Variants in NFIB observed in about 807,000 individuals in gnomAD.
NFIB encodes the protein nuclear factor 1 B-type.
NFIB carries 11 observed loss-of-function variants against 61.5 expected under a neutral mutation model. That is an observed-to-expected ratio of 0.18 (90% confidence interval 0.11 to 0.30). The LOEUF (loss-of-function observed/expected upper bound fraction) is 0.30, where lower values mean the gene tolerates loss of function less well. Ranked by LOEUF, NFIB falls within the 10% of genes least tolerant of loss-of-function variation. The pLI, the probability that NFIB is intolerant of heterozygous loss-of-function variation, is 1.00. For missense variants in NFIB, 471 were observed against 608.9 expected, an observed-to-expected ratio of 0.77 and a Z score of 2.38; for synonymous variants, 260 against 216.5, an observed-to-expected ratio of 1.20 and a Z score of -1.76.
intron 1 of NFIB, among the ~76,000 whole-genome samples, chr9:14,343,861 T>C (rs536454253): frequency 2.0e-5 from 3 of 151,522 alleles, no homozygotes; most frequent in African/African-American, 4.8e-5. Flanking sequence ...AGAAACCTTA[T>C]AGAAAGAGAG....
At chr9:14,246,587 G>C (rs7846937) in intron 2 of NFIB, among the ~76,000 whole-genome samples, 2,441 of 152,198 alleles carry the variant, frequency 0.016, 67 homozygotes, top group African/African-American at 0.055. Flanking sequence ...CCATATGTTT[G>C]CCATATCATT....
At chr9:14,350,339 A>T (rs2061091968) in intron 1 of NFIB, among the ~76,000 whole-genome samples, 2 of 152,196 alleles carry the variant, frequency 1.3e-5, no homozygotes, top group Non-Finnish European at 2.9e-5. Flanking sequence ...TTTCTCTAAG[A>T]AAAAAACAGA....
the NFIB span, among the ~76,000 whole-genome samples, chr9:14,509,407 T>C: frequency 1.9e-3 from 294 of 152,338 alleles, 3 homozygotes; most frequent in African/African-American, 6.8e-3. Context: ...ATACCATTCC[T>C]TGCTACTGCT....
rs188140730 is a variant in NFIB, at chr9:14,152,434, T to A, written c.686-2169A>T. 2.2e-3 allele frequency among the ~76,000 whole-genome samples: 339 copies of A among 152,214 alleles called. 3 individuals are homozygous for A. The highest frequency in any genetic ancestry group is 7.8e-3 in the African/African-American group (324 of 41,556). Reference sequence around the variant, plus strand: ...ATTAGAACCATGTTCTATATGACACTGGAAGTGGGGTACATGCTAGAAGGA... The same window carrying A: ...ATTAGAACCATGTTCTATATGACACAGGAAGTGGGGTACATGCTAGAAGGA... On this transcript the variant is annotated intron_variant, in intron 4 of 10. Transcript: ENST00000380953.
the NFIB span, among the ~76,000 whole-genome samples, chr9:14,473,267 T>A: frequency 6.6e-6 from 1 of 152,212 alleles, no homozygotes; most frequent in Admixed American, 6.5e-5. Flanking sequence ...CAACCTTTTA[T>A]CAAGGGATAC....
intron 1 of NFIB, among the ~76,000 whole-genome samples, chr9:14,310,691 T>C (rs911180631): frequency 1.3e-5 from 2 of 152,196 alleles, no homozygotes; most frequent in Admixed American, 1.3e-4. Flanking sequence ...ACAAAGGTAA[T>C]AGGCAACTTT....
the NFIB span, among the ~76,000 whole-genome samples, chr9:14,509,540 A>C: frequency 6.6e-6 from 1 of 152,212 alleles, no homozygotes; most frequent in African/African-American, 2.4e-5. Context: ...TACTATCATA[A>C]GCCAACAAAC....
rs745385912 is a variant in NFIB at position 14,146,686 on chromosome 9, C to T, written c.925+3G>A. 6.2e-7 allele frequency: 1 copy of T among 1,613,004 alleles called. No homozygotes were observed. Reference sequence around the variant, plus strand: ...TCTCTAGAGGCATCTCCTTATTACTCACCTTGATCTCTTTCGTGCCATGTT... The same window carrying T: ...TCTCTAGAGGCATCTCCTTATTACTTACCTTGATCTCTTTCGTGCCATGTT... On this transcript the variant is annotated splice_donor_region_variant and intron_variant, in intron 6 of 10. Transcript: ENST00000380953.
chr9:14,120,706 A>T lies in NFIB; in HGVS notation c.1061-82T>A. On this transcript the variant is annotated intron_variant, in intron 7 of 10. Coordinates refer to ENST00000380953, the MANE Select transcript of NFIB (RefSeq NM_001190737.2). This position sits in a 1 kb window ranked among gnomAD's most constrained non-coding sequence, Gnocchi z 4.4. ...TTCTGATCCTGAAGAATGCTGTGAA[A>T]CTACAAAACTGGTAACCATTCATTT... The T allele has an allele frequency of 1.5e-6, 2 of 1,338,626 alleles. No homozygotes were observed. Among genetic ancestry groups the T allele is most frequent in the South Asian group, 3.0e-5 (2 of 65,930 alleles). The allele number at this position is 1,338,626 out of a possible 1,614,324, so 82.9% of individuals were successfully genotyped here.
intron 1 of NFIB, among the ~76,000 whole-genome samples, chr9:14,367,498 G>A (rs1319676778): frequency 6.6e-6 from 1 of 151,956 alleles, no homozygotes; most frequent in African/African-American, 2.4e-5. Flanking sequence ...TGGGAATGAG[G>A]GTCAAAAGGT....
the NFIB span, among the ~76,000 whole-genome samples, chr9:14,509,134 G>C: frequency 6.6e-6 from 1 of 152,306 alleles, no homozygotes; most frequent in South Asian, 2.1e-4. Flanking sequence ...ACTGATGTTG[G>C]TGGTGACATT....
At chr9:14,357,990 G>A (rs908802897) in intron 1 of NFIB, 1 of 152,154 alleles carries the variant, frequency 6.6e-6, no homozygotes, top group South Asian at 2.1e-4. Flanking sequence ...CTTGGGGAGA[G>A]TTTGGGGAGC....
chr9:14,112,533 G>A (rs1221762313), intron 10 of NFIB, among the ~76,000 whole-genome samples: 1 of 152,278 alleles, frequency 6.6e-6, no homozygotes, highest in Non-Finnish European at 1.5e-5. Context: ...ATGAAGTGTC[G>A]CCTGAGATTT....
At chr9:14,179,004 A>C (rs34115564) in intron 3 of NFIB, among the ~76,000 whole-genome samples, 16,091 of 152,164 alleles carry the variant, frequency 0.11, 1,119 homozygotes, top group Non-Finnish European at 0.16. Context: ...CTTTTACTAA[A>C]GTCACCAATA....
chr9:14,418,353 A>G, the NFIB span, among the ~76,000 whole-genome samples: 5 of 152,172 alleles, frequency 3.3e-5, no homozygotes, highest in Non-Finnish European at 7.4e-5. Flanking sequence ...AATGGCTCCC[A>G]CCATGCTGTT....
the NFIB span, among the ~76,000 whole-genome samples, chr9:14,474,709 ACAGG>A: frequency 2.0e-5 from 3 of 152,172 alleles, no homozygotes; most frequent in Non-Finnish European, 4.4e-5. Flanking sequence ...ACAGTGGGGG[ACAGG>A]CATAGGATAG....
At chr9:14,125,560 TG>T in intron 7 of NFIB, 71 bp downstream of exon 7, 7 of 1,570,052 alleles carry the variant, frequency 4.5e-6, no homozygotes, top group Non-Finnish European at 6.0e-6. Flanking sequence ...TATAAACTTT[TG>T]CTCCGTCCCT....
chr9:14,468,813 T>A, the NFIB span, among the ~76,000 whole-genome samples: 1 of 152,226 alleles, frequency 6.6e-6, no homozygotes, highest in Non-Finnish European at 1.5e-5. Context: ...TCACACTCAC[T>A]GATAGGTGAG....
chr9:14,155,928 T>A, intron 3 of NFIB, 35 bp from the exon 4 acceptor site: 1 of 1,319,724 alleles, frequency 7.6e-7, no homozygotes, highest in South Asian at 1.3e-5. Flanking sequence ...ATGATCAATA[T>A]AAGCAGAAAG....
Sources: allele counts gnomAD v4.1 joint callset (sites outside exome capture counted in the v4.1 genomes callset), GRCh38; gene constraint gnomAD v4.1.1; non-coding constraint Gnocchi (gnomAD v3.1); transcripts MANE v1.5; gene names NCBI Gene and HGNC (gene_info 2026-07-23, HGNC 2026-07-21).